ITSN2: variants seen among roughly 807,000 people sequenced by gnomAD.
ITSN2 encodes the protein intersectin 2, also known as intersectin-2.
ITSN2 carries 156 observed loss-of-function variants against 243.7 expected under a neutral mutation model. The observed-to-expected ratio is 0.64, with a 90% CI of 0.56 to 0.73. ITSN2 has a LOEUF of 0.73. ITSN2 is among the 30% of genes least tolerant of loss of function. ITSN2 has a pLI of 0.00. For missense variants in ITSN2, 1,801 were observed against 1,996.1 expected, an observed-to-expected ratio of 0.90 and a Z score of 1.86; for synonymous variants, 703 against 699.9, an observed-to-expected ratio of 1.00 and a Z score of -0.07.
chr2:24,310,796 AAC>A, intron 5 of ITSN2, 104 bp from the exon 6 acceptor site: 2 of 863,372 alleles, frequency 2.3e-6, no homozygotes, highest in Non-Finnish European at 3.6e-6. Flanking sequence ...TGTTTACCAA[AAC>A]ACACAGATGA....
rs140403980 is a variant in ITSN2 at position 24,334,214 on chromosome 2, G to A, written c.-33-6099C>T. Among the ~76,000 whole-genome samples the A allele has an allele frequency of 1.9e-4, 29 of 152,092 alleles. 1 individual carries two copies. In the East Asian group the frequency reaches 4.5e-3, roughly 23 times the overall value. On this transcript the variant is annotated intron_variant, in intron 1 of 39. Coordinates refer to ENST00000355123, the MANE Select transcript of ITSN2 (RefSeq NM_006277.3). ...GCTGGGATTACAGGTGCCCAGCACC[G>A]CGCCCAGCTAATTTTTGTATTATTA... is the stretch of plus-strand genomic sequence containing the variant.
At chr2:24,337,007 T>C (rs1440988086) in intron 1 of ITSN2, among the ~76,000 whole-genome samples, 1 of 150,342 alleles carries the variant, frequency 6.7e-6, no homozygotes, top group Non-Finnish European at 1.5e-5. Flanking sequence ...CTACTTCCAT[T>C]AAACCCTGCA....
chr2:24,315,510 G>A lies in ITSN2; in HGVS notation c.32-286C>T, dbSNP rs145457562. Among the ~76,000 whole-genome samples, 227 of 152,236 alleles carry A rather than the reference G, an allele frequency of 1.5e-3. 1 individual carries two copies. Among genetic ancestry groups the A allele is most frequent in the African/African-American group, 5.2e-3 (214 of 41,524 alleles). ...TGAAGAAAATATTCCCACCCTCAAG[G>A]AATTCATGCTCTAGAAAACAACAGT... is the stretch of plus-strand genomic sequence containing the variant. On this transcript the variant is annotated intron_variant, in intron 2 of 39. Coordinates refer to ENST00000355123, the MANE Select transcript of ITSN2 (RefSeq NM_006277.3).
chr2:24,336,191 G>A (rs1057304981), intron 1 of ITSN2, among the ~76,000 whole-genome samples: 4 of 147,796 alleles, frequency 2.7e-5, no homozygotes, highest in African/African-American at 5.0e-5. Context: ...GCAGTGAGCC[G>A]AGATGGAGCC....
chr2:24,295,562 G>T, intron 14 of ITSN2, 102 bp downstream of exon 14: 3 of 873,508 alleles, frequency 3.4e-6, no homozygotes, highest in Non-Finnish European at 3.3e-6. Context: ...ACCCGCCTCA[G>T]CCTCCCAAAG....
At chr2:24,308,979 T>C in intron 7 of ITSN2, 1 of 528,558 alleles carries the variant, frequency 1.9e-6, no homozygotes, top group East Asian at 5.1e-5. Context: ...GGCATTAGAT[T>C]CTCATAAGAG....
chr2:24,311,125 C>A (rs377672343), intron 5 of ITSN2, among the ~76,000 whole-genome samples: 1 of 151,922 alleles, frequency 6.6e-6, no homozygotes, highest in Non-Finnish European at 1.5e-5. Context: ...TCCCCCCAAA[C>A]AAAAAGGTTC....
At chr2:24,343,551 G>A (rs940374932) in intron 1 of ITSN2, among the ~76,000 whole-genome samples, 1 of 152,156 alleles carries the variant, frequency 6.6e-6, no homozygotes, top group Admixed American at 6.5e-5. Flanking sequence ...TCATACATGT[G>A]TGTAAATATA....
At chr2:24,337,279 ATGTATGTGTGTG>A (rs1478791700) in intron 1 of ITSN2, among the ~76,000 whole-genome samples, 9 of 97,922 alleles carry the variant, frequency 9.2e-5, no homozygotes, top group African/African-American at 3.3e-4. Flanking sequence ...GTCTATATGT[ATGTATGTGTGTG>A]TGTGTGTGTG....
intron 2 of ITSN2, among the ~76,000 whole-genome samples, chr2:24,325,376 C>G (rs1685056249): frequency 6.6e-6 from 1 of 152,114 alleles, no homozygotes; most frequent in African/African-American, 2.4e-5. Flanking sequence ...TACCACTACA[C>G]TCCAACCTGG....
In ITSN2 at chr2:24,310,359, T is replaced by A; in HGVS notation, c.578A>T (p.Tyr193Phe). ...TCCAAATCCTCCCATCATCAGACTATAAGATGACCCATGAGGCAATGCTAA... is the reference window on the plus strand; with the variant it reads ...TCCAAATCCTCCCATCATCAGACTAAAAGATGACCCATGAGGCAATGCTAA... ...SSSTLPHGSS[Y>F]SLMMGGFGGA... The change falls in exon 7 of 40, where the codon TAT (tyrosine) becomes TTT (phenylalanine). Residue 193 changes from tyrosine to phenylalanine, a missense_variant. Tyr to Phe is a conservative substitution (Grantham distance 22, BLOSUM62 3). This residue lies in a region of ITSN2 where 787 missense variants were observed against 803.9 expected (regional missense o/e 0.98). Transcript: ENST00000355123. The A allele has an allele frequency of 6.2e-7, 1 of 1,613,566 alleles. No individual in the cohort carries two copies. The highest frequency in any genetic ancestry group is 8.5e-7 in the Non-Finnish European group (1 of 1,179,810).
At chr2:24,323,260 TA>T (rs1327977324) in intron 2 of ITSN2, among the ~76,000 whole-genome samples, 6 of 152,144 alleles carry the variant, frequency 3.9e-5, no homozygotes, top group Non-Finnish European at 8.8e-5. Context: ...TATTTCCACA[TA>T]AAAACCTGTT....
chr2:24,351,287 C>G (rs1022909021), intron 1 of ITSN2, among the ~76,000 whole-genome samples: 3 of 152,210 alleles, frequency 2.0e-5, no homozygotes, highest in Non-Finnish European at 4.4e-5. Flanking sequence ...GCCTGCCCCG[C>G]TTCTATTAGA....
intron 17 of ITSN2, among the ~76,000 whole-genome samples, chr2:24,278,100 G>A (rs1290530266): frequency 5.3e-5 from 8 of 152,194 alleles, no homozygotes; most frequent in African/African-American, 1.7e-4. Context: ...AAAATGAGGA[G>A]AGTACTCAGT....
At chr2:24,248,562 T>A in intron 27 of ITSN2, 67 bp downstream of exon 27, 2 of 1,363,322 alleles carry the variant, frequency 1.5e-6, no homozygotes, top group Non-Finnish European at 2.0e-6. Context: ...TTATTAATTT[T>A]ATCTTTTTTA....
chr2:24,354,926 G>A (rs1324761334), intron 1 of ITSN2, among the ~76,000 whole-genome samples: 1 of 152,212 alleles, frequency 6.6e-6, no homozygotes, highest in East Asian at 1.9e-4. Context: ...ATGTCCTGAT[G>A]TATCTATGAA....
rs1670938787 is a variant in ITSN2, at chr2:24,225,490, G to A, written c.3578-4424C>T. On this transcript the variant is annotated intron_variant, in intron 29 of 39. Coordinates refer to ENST00000355123, the MANE Select transcript of ITSN2 (RefSeq NM_006277.3). The surrounding 1 kb of genome is among the most constrained non-coding windows in gnomAD (Gnocchi z 4.2). ...TTCTGAGCTTGCACCCTCCCCTGCCGGCCCACAGCACAGGCGCCTTGGATG... is the reference window on the plus strand; with the variant it reads ...TTCTGAGCTTGCACCCTCCCCTGCCAGCCCACAGCACAGGCGCCTTGGATG... 6.6e-6 allele frequency among the ~76,000 whole-genome samples: 1 copy of A among 152,132 alleles called. No homozygotes were observed. The highest frequency in any genetic ancestry group is 1.5e-5 in the Non-Finnish European group (1 of 68,020).
chr2:24,351,910 T>C (rs977745007), intron 1 of ITSN2, among the ~76,000 whole-genome samples: 2 of 152,106 alleles, frequency 1.3e-5, no homozygotes, highest in Admixed American at 1.3e-4. Flanking sequence ...TTCCTTCAAG[T>C]GAAAAGGTGA....
intron 17 of ITSN2, among the ~76,000 whole-genome samples, chr2:24,277,607 A>T (rs915080897): frequency 6.6e-6 from 1 of 152,202 alleles, no homozygotes; most frequent in Admixed American, 6.5e-5. Flanking sequence ...TGGTTTAGTG[A>T]TGAGGAGCAT....
Sources: allele counts gnomAD v4.1 joint callset (sites outside exome capture counted in the v4.1 genomes callset), GRCh38; gene constraint gnomAD v4.1.1; regional missense constraint gnomAD v4.1.1; non-coding constraint Gnocchi (gnomAD v3.1); transcripts MANE v1.5; gene names NCBI Gene and HGNC (gene_info 2026-07-23, HGNC 2026-07-21).